Variants in BEND3 observed in about 807,000 individuals in gnomAD.
BEND3 encodes the protein BEN domain-containing protein 3.
A neutral mutation model predicts 60.1 loss-of-function variants in BEND3; 13 were observed. That is an observed-to-expected ratio of 0.22 (90% CI 0.14 to 0.34). BEND3 has a LOEUF of 0.34. BEND3 is among the 10% of genes least tolerant of loss of function. The pLI is 1.00. For synonymous variants in BEND3, 497 were observed against 491.5 expected, an observed-to-expected ratio of 1.01 and a Z score of -0.15; for missense variants, 896 against 1,138.1, an observed-to-expected ratio of 0.79 and a Z score of 3.06.
rs1774855391 is a variant in BEND3, at chr6:107,067,394, A to G, written c.*1310T>C. The stretch of plus-strand genomic sequence containing the variant: ...ATCATTTTAAAGGACTTTACCTGTC[A>G]GGGGATTTCCCAGTTGGTGCTCCTG... On this transcript the variant is annotated 3_prime_UTR_variant, in exon 4 of 4. Coordinates refer to ENST00000369042, the MANE Select transcript of BEND3 (RefSeq NM_001367314.1). 6.6e-6 allele frequency: 1 copy of G among 152,228 alleles called. No individual in the cohort carries two copies. 9.4% of individuals were successfully genotyped at this position (152,228 alleles called of 1,614,324 possible).
chr6:107,068,435 T>A lies in BEND3; in HGVS notation c.*269A>T. Reference sequence around the variant, plus strand: ...GGGAGAGAGGACCCCTAACCTCTGGTCCCTGCCCTCACAGCTTGCTCTCCC... The same window carrying A: ...GGGAGAGAGGACCCCTAACCTCTGGACCCTGCCCTCACAGCTTGCTCTCCC... On this transcript the variant is annotated 3_prime_UTR_variant, in exon 4 of 4. Transcript: ENST00000369042. The surrounding 1 kb of genome is among the most constrained non-coding windows in gnomAD (Gnocchi z 5.8). 1 of 438,516 alleles carries A rather than the reference T, an allele frequency of 2.3e-6. No homozygotes were observed. The highest frequency in any genetic ancestry group is 4.1e-6 in the Non-Finnish European group (1 of 246,598). 27.2% of individuals were successfully genotyped at this position (438,516 alleles called of 1,614,324 possible).
chr6:107,080,354 C>CAAAAAAAAACAAAAAA (rs1775200631), intron 3 of BEND3, among the ~76,000 whole-genome samples: 1 of 83,270 alleles, frequency 1.2e-5, no homozygotes, highest in South Asian at 3.9e-4. Context: ...GATCCCATCT[C>CAAAAAAAAACAAAAAA]AAAAAAAAAA....
In BEND3 at chr6:107,066,717, G is replaced by C. The variant is rs1554230889; in HGVS notation, c.*1987C>G. ...CCTCCAGCCCCCAACAACCAGCGGTGGGAAGGGGGAGGTGGTGGGAGAGGG... is the reference window on the plus strand; with the variant it reads ...CCTCCAGCCCCCAACAACCAGCGGTCGGAAGGGGGAGGTGGTGGGAGAGGG... On this transcript the variant is annotated 3_prime_UTR_variant, in exon 4 of 4. Transcript: ENST00000369042. 3 of 152,666 alleles carry C rather than the reference G, an allele frequency of 2.0e-5. No homozygotes were observed. Among genetic ancestry groups the C allele is most frequent in the Non-Finnish European group, 4.4e-5 (3 of 68,106 alleles). 9.5% of individuals were successfully genotyped at this position (152,666 alleles called of 1,614,324 possible). A position where few individuals can be genotyped will look rare whatever the true frequency, so the allele number is the denominator to read the frequency against.
chr6:107,089,979 C>T (rs999226412), intron 3 of BEND3, among the ~76,000 whole-genome samples: 3 of 151,982 alleles, frequency 2.0e-5, no homozygotes, highest in Admixed American at 2.0e-4. Context: ...AAAATGTATA[C>T]GGAACCACCA....
chr6:107,101,758 G>C (rs977364972), intron 1 of BEND3, among the ~76,000 whole-genome samples: 3 of 152,154 alleles, frequency 2.0e-5, no homozygotes, highest in Non-Finnish European at 4.4e-5. Context: ...GGCTAGAAGG[G>C]CTGGACAATG....
chr6:107,074,770 T>C (rs1477819088), intron 3 of BEND3, among the ~76,000 whole-genome samples: 2 of 152,040 alleles, frequency 1.3e-5, no homozygotes, highest in African/African-American at 4.8e-5. Flanking sequence ...GTGTTTCAAA[T>C]TGTGGGATAG....
rs1324252037 is a variant in BEND3 at position 107,068,917 on chromosome 6, C to T, written c.2274G>A (p.Arg758=). 1 of 1,613,782 alleles carries T rather than the reference C, an allele frequency of 6.2e-7. No individual in the cohort carries two copies. The highest frequency in any genetic ancestry group is 2.2e-5 in the East Asian group (1 of 44,850). Residue 758 remains arginine, a synonymous_variant, in exon 4 of 4, where the codon CGG becomes CGA. Transcript: ENST00000369042. The surrounding 1 kb of genome is among the most constrained non-coding windows in gnomAD (Gnocchi z 5.8). ...FPELFTAENL[R]LQYNHSGACN... is the part of the protein sequence containing the mutation. The stretch of plus-strand genomic sequence containing the variant: ...AAGCCCCGGAATGGTTGTACTGCAG[C>T]CGGAGGTTCTCGGCGGTGAAGAGTT...
At position 107,089,761 on chromosome 6, in the gene BEND3, AT is replaced by A. The variant is rs550959801; in HGVS notation, c.240+8789del. ...AGGCACGCACAATTGTGCACGGCTA[AT>A]TTTTGTATTTTTAGTAGAGATGGGG... On this transcript the variant is annotated intron_variant, in intron 3 of 3. Transcript: ENST00000369042. Among the ~76,000 whole-genome samples the A allele has an allele frequency of 1.9e-3, 282 of 150,664 alleles. 1 individual carries two copies. Among genetic ancestry groups the A allele is most frequent in the African/African-American group, 6.6e-3 (271 of 41,130 alleles).
chr6:107,077,887 A>G (rs1775133132), intron 3 of BEND3, among the ~76,000 whole-genome samples: 1 of 152,134 alleles, frequency 6.6e-6, no homozygotes, highest in Non-Finnish European at 1.5e-5. Flanking sequence ...TGCCATTTCC[A>G]TTTTCCAAAT....
intron 1 of BEND3, among the ~76,000 whole-genome samples, chr6:107,109,442 CAAA>C (rs55745315): frequency 2.1e-5 from 1 of 48,676 alleles, no homozygotes; most frequent in African/African-American, 7.0e-5. Flanking sequence ...GACTCTGTCT[CAAA>C]AAAAAAAAAA....
At chr6:107,073,574 C>T (rs140050801) in intron 3 of BEND3, among the ~76,000 whole-genome samples, 1 of 152,150 alleles carries the variant, frequency 6.6e-6, no homozygotes, top group East Asian at 1.9e-4. Flanking sequence ...TAAAGCAGGG[C>T]AAAGTGTTCC....
chr6:107,094,492 G>A (rs1406471626), intron 3 of BEND3, among the ~76,000 whole-genome samples: 6 of 151,828 alleles, frequency 4.0e-5, no homozygotes, highest in South Asian at 2.1e-4. Flanking sequence ...GTGGTGGTGC[G>A]TGCCTGTAAT....
At chr6:107,081,778 CAA>C (rs782779962) in intron 3 of BEND3, among the ~76,000 whole-genome samples, 8 of 132,470 alleles carry the variant, frequency 6.0e-5, no homozygotes, top group Admixed American at 7.7e-5. Context: ...GACCCTGTCT[CAA>C]AAAAAAAAAA....
At chr6:107,071,470 C>T (rs1217439793) in intron 3 of BEND3, among the ~76,000 whole-genome samples, 4 of 152,230 alleles carry the variant, frequency 2.6e-5, no homozygotes, top group Admixed American at 6.5e-5. Flanking sequence ...CGTCCCTTTT[C>T]GGGAAGGCTC....
intron 3 of BEND3, among the ~76,000 whole-genome samples, chr6:107,094,704 G>C (rs551105479): frequency 1.4e-4 from 21 of 151,590 alleles, no homozygotes; most frequent in African/African-American, 5.1e-4. Flanking sequence ...AACTTTAAAA[G>C]TTAGCCAGGC....
intron 1 of BEND3, among the ~76,000 whole-genome samples, chr6:107,111,148 G>A (rs971942217): frequency 1.2e-4 from 19 of 152,290 alleles, no homozygotes; most frequent in Non-Finnish European, 2.6e-4. Context: ...TTGGGTGAAA[G>A]AGAAAGACCC....
Position 107,070,265 on chromosome 6 carries a change from T to C in BEND3, c.926A>G (p.Asn309Ser). 6.2e-7 allele frequency: 1 copy of C among 1,613,046 alleles called. No homozygotes were observed. ...CGAGGGGTAGTAGACCTCCACATAG[T>C]TGCGGATGAGCTGCAGGTGCAGCGA... is the stretch of plus-strand genomic sequence containing the variant. ...LESLHLQLIR[N>S]YVEVYYPSVK... Residue 309 changes from asparagine to serine, a missense_variant, in exon 4 of 4, where the codon AAC becomes AGC. Transcript: ENST00000369042. This position sits in a 1 kb window ranked among gnomAD's most constrained non-coding sequence, Gnocchi z 6.9.
At chr6:107,099,106 G>T in intron 2 of BEND3, 143 bp downstream of exon 2, 1 of 681,776 alleles carries the variant, frequency 1.5e-6, no homozygotes. Flanking sequence ...TGGGTGGAGG[G>T]GGATGGGAAC....
At chr6:107,104,590 TATA>T (rs1175194476) in intron 1 of BEND3, among the ~76,000 whole-genome samples, 1 of 152,100 alleles carries the variant, frequency 6.6e-6, no homozygotes, top group Non-Finnish European at 1.5e-5. Flanking sequence ...CCAGATTACT[TATA>T]ATAATACAAT....
Sources: gnomAD v4.1 joint callset for allele counts (sites outside exome capture counted in the v4.1 genomes callset) on GRCh38, gnomAD v4.1.1 for gene constraint, Gnocchi (gnomAD v3.1) non-coding constraint, MANE v1.5 for transcripts, NCBI Gene and HGNC (gene_info 2026-07-23, HGNC 2026-07-21) for gene names.